KMT5A: variants seen among roughly 807,000 people sequenced by gnomAD.
KMT5A encodes N-lysine methyltransferase KMT5A.
A neutral mutation model predicts 40.6 loss-of-function variants in KMT5A; 6 were observed. The observed-to-expected ratio is 0.15, with a 90% confidence interval of 0.08 to 0.29. KMT5A has a LOEUF of 0.29. KMT5A is among the 10% of genes least tolerant of loss of function. The pLI is 1.00. For synonymous variants in KMT5A, 153 were observed against 178.8 expected, an observed-to-expected ratio of 0.86 and a Z score of 1.15; for missense variants, 308 against 459.1, an observed-to-expected ratio of 0.67 and a Z score of 3.01.
At chr12:123,400,603 C>T (rs1231340546) in intron 5 of KMT5A, among the ~76,000 whole-genome samples, 2 of 151,992 alleles carry the variant, frequency 1.3e-5, no homozygotes, top group Non-Finnish European at 2.9e-5. Flanking sequence ...TTGTGATCCG[C>T]CCACCTTGGC....
chr12:123,391,156 AC>A, intron 3 of KMT5A: 1 of 181,122 alleles, frequency 5.5e-6, no homozygotes, highest in East Asian at 1.5e-4. Flanking sequence ...CATGTAGGGA[AC>A]TGACTTCCTT....
intron 1 of KMT5A, among the ~76,000 whole-genome samples, chr12:123,387,285 A>C (rs943310996): frequency 2.0e-5 from 3 of 152,178 alleles, no homozygotes; most frequent in African/African-American, 4.8e-5. Flanking sequence ...CTAGACTTGT[A>C]ATGTGTCCCC....
intron 3 of KMT5A, chr12:123,391,237 C>T (rs1877298195): frequency 6.3e-6 from 1 of 159,548 alleles, no homozygotes; most frequent in Non-Finnish European, 1.4e-5. Context: ...TCTCGTCCCT[C>T]AGGCTGAAGT....
intron 3 of KMT5A, 42 bp from the exon 4 acceptor site, chr12:123,395,005 C>T (rs760231254): frequency 2.3e-5 from 34 of 1,475,642 alleles, no homozygotes; most frequent in Admixed American, 4.1e-5. Context: ...AATTGAGAGA[C>T]AGTACAGAAT....
In KMT5A at chr12:123,408,173, C is replaced by G. The variant is rs1410237080; in HGVS notation, c.*470C>G. ...GGGATGTTTCCAAGCTCTTGTTCCC[C>G]TAACGTCTCAACAGGCGCTCACTGA... is the stretch of plus-strand genomic sequence containing the variant. On this transcript the variant is annotated 3_prime_UTR_variant, in exon 8 of 8. Coordinates refer to ENST00000402868, the MANE Select transcript of KMT5A (RefSeq NM_020382.7). 1 of 160,876 alleles carries G rather than the reference C, an allele frequency of 6.2e-6. No individual in the cohort carries two copies. Among genetic ancestry groups the G allele is most frequent in the Non-Finnish European group, 1.4e-5 (1 of 73,412 alleles). 10.0% of individuals were successfully genotyped at this position (160,876 alleles called of 1,614,324 possible).
intron 5 of KMT5A, among the ~76,000 whole-genome samples, chr12:123,402,908 G>A (rs1433142832): frequency 6.6e-6 from 1 of 152,176 alleles, no homozygotes; most frequent in South Asian, 2.1e-4. Flanking sequence ...TGCTGTACCC[G>A]ATTTTCTTTT....
rs778912909 is a variant in KMT5A at position 123,405,053 on chromosome 12, A to G, written c.827A>G (p.Gln276Arg). 1.2e-6 allele frequency: 2 copies of G among 1,613,684 alleles called. No individual in the cohort carries two copies. The highest frequency in any genetic ancestry group is 1.7e-6 in the Non-Finnish European group (2 of 1,179,758). Reference sequence around the variant, plus strand: ...ACGGGCTGCTACATGTACTATTTTCAGTATCTGAGCAAAACCTACTGGTGA... The same window carrying G: ...ACGGGCTGCTACATGTACTATTTTCGGTATCTGAGCAAAACCTACTGGTGA... ...PSTGCYMYYF[Q>R]YLSKTYCVDA... The change falls in exon 7 of 8, where the codon CAG becomes CGG. Residue 276 changes from glutamine to arginine, a missense_variant. Coordinates refer to ENST00000402868, the MANE Select transcript of KMT5A (RefSeq NM_020382.7).
At chr12:123,405,417 C>T (rs56068069) in intron 7 of KMT5A, among the ~76,000 whole-genome samples, 4,507 of 151,964 alleles carry the variant, frequency 0.03, 218 homozygotes, top group African/African-American at 0.1. Context: ...ACGATCCACC[C>T]GCCTTGGCCT....
intron 6 of KMT5A, among the ~76,000 whole-genome samples, chr12:123,404,177 A>G (rs532311931): frequency 1.3e-5 from 2 of 152,328 alleles, no homozygotes; most frequent in African/African-American, 4.8e-5. Context: ...GATAATGACA[A>G]TGCCCAAGAA....
intron 5 of KMT5A, among the ~76,000 whole-genome samples, 175 bp from the exon 6 acceptor site, chr12:123,403,398 G>A (rs923900777): frequency 2.0e-5 from 3 of 152,240 alleles, no homozygotes; most frequent in African/African-American, 7.2e-5. Context: ...ATGAGAAAAG[G>A]AGGGATACTT....
chr12:123,408,461 T>G lies in KMT5A; in HGVS notation c.*758T>G, dbSNP rs1252245335. ...TCTTTATAGAAATGTGAACACTGAA[T>G]TTATTTTAAAAAATAATAATAAAAA... On this transcript the variant is annotated 3_prime_UTR_variant, in exon 8 of 8. Transcript: ENST00000402868. The G allele has an allele frequency of 6.6e-6, 1 of 151,064 alleles. No individual in the cohort carries two copies. Among genetic ancestry groups the G allele is most frequent in the Non-Finnish European group, 1.5e-5 (1 of 67,828 alleles). The allele number at this position is 151,064 out of a possible 1,614,324, so 9.4% of individuals were successfully genotyped here. A position where few individuals can be genotyped will look rare whatever the true frequency, so the allele number is the denominator to read the frequency against.
In KMT5A at chr12:123,390,951, G is replaced by A. The variant is rs188435244; in HGVS notation, c.289+165G>A. On this transcript the variant is annotated intron_variant, in intron 3 of 7. Coordinates refer to ENST00000402868, the MANE Select transcript of KMT5A (RefSeq NM_020382.7). ...TGCTGAAAGAATGGCTTGTCCCAGG[G>A]TGTGTGCCCTGTTGGTTTGACAGGT... 13 of 784,138 alleles carry A rather than the reference G, an allele frequency of 1.7e-5. No individual in the cohort carries two copies. In the South Asian group the frequency reaches 2.1e-4, roughly 12 times the overall value. 48.6% of individuals were successfully genotyped at this position (784,138 alleles called of 1,614,324 possible).
chr12:123,393,688 C>T (rs1354068095), intron 3 of KMT5A, among the ~76,000 whole-genome samples: 2 of 152,060 alleles, frequency 1.3e-5, no homozygotes, highest in African/African-American at 4.8e-5. Context: ...TATAGGCGCA[C>T]ACCACCACGC....
chr12:123,399,071 G>A (rs1029970967), intron 5 of KMT5A, among the ~76,000 whole-genome samples: 8 of 152,232 alleles, frequency 5.3e-5, no homozygotes, highest in African/African-American at 1.7e-4. Context: ...TCACTGCAGG[G>A]GCCCCTTGGC....
At chr12:123,399,842 G>A (rs922676453) in intron 5 of KMT5A, among the ~76,000 whole-genome samples, 1 of 151,722 alleles carries the variant, frequency 6.6e-6, no homozygotes, top group East Asian at 1.9e-4. Context: ...TGTTTTTTTC[G>A]AGACAGAGTC....
chr12:123,389,475 C>T lies in KMT5A; in HGVS notation c.53C>T (p.Ala18Val), dbSNP rs1164517572. Residue 18 changes from alanine to valine, a missense_variant, in exon 2 of 8, where the codon GCG (alanine) becomes GTG (valine). Coordinates refer to ENST00000402868, the MANE Select transcript of KMT5A (RefSeq NM_020382.7). ...SKPRAVEAAA[A>V]AAAVAATAPG... is the part of the protein sequence containing the mutation. Reference sequence around the variant, plus strand: ...CCCCGCGCGGTGGAGGCGGCGGCGGCGGCGGCGGCGGTGGCAGCGACGGCC... The same window carrying T: ...CCCCGCGCGGTGGAGGCGGCGGCGGTGGCGGCGGCGGTGGCAGCGACGGCC... 3.6e-6 allele frequency: 4 copies of T among 1,116,236 alleles called. No homozygotes were observed. The highest frequency in any genetic ancestry group is 4.4e-6 in the Non-Finnish European group (4 of 919,264). 69.1% of individuals were successfully genotyped at this position (1,116,236 alleles called of 1,614,324 possible). A position where few individuals can be genotyped will look rare whatever the true frequency, so the allele number is the denominator to read the frequency against.
chr12:123,403,669 G>C, intron 6 of KMT5A, 37 bp downstream of exon 6: 1 of 1,613,262 alleles, frequency 6.2e-7, no homozygotes, highest in South Asian at 1.1e-5. Context: ...CATAGCTAAA[G>C]CTGGAAGAGC....
chr12:123,395,858 C>T (rs138883211), intron 4 of KMT5A, among the ~76,000 whole-genome samples: 51 of 151,930 alleles, frequency 3.4e-4, no homozygotes, highest in African/African-American at 1.2e-3. Flanking sequence ...CCACCATGCC[C>T]GACTGTTGTG....
At chr12:123,385,526 C>T (rs888003535) in intron 1 of KMT5A, among the ~76,000 whole-genome samples, 2 of 151,972 alleles carry the variant, frequency 1.3e-5, no homozygotes, top group African/African-American at 4.8e-5. Flanking sequence ...GAAAACTAAC[C>T]ATCTATCATT....
Sources: gnomAD v4.1 joint callset for allele counts (sites outside exome capture counted in the v4.1 genomes callset) on GRCh38, gnomAD v4.1.1 for gene constraint, MANE v1.5 for transcripts, NCBI Gene and HGNC (gene_info 2026-07-23, HGNC 2026-07-21) for gene names.